The following ARHGAP26 variants were observed in gnomAD, a reference collection of about 807,000 sequenced individuals.
The protein encoded by ARHGAP26 is Rho GTPase activating protein 26.
A neutral mutation model predicts 104.8 loss-of-function variants in ARHGAP26; 38 were observed. The ratio of observed to expected loss-of-function variants is 0.36; its 90% CI spans 0.28 to 0.48. The LOEUF is 0.48. ARHGAP26 is among the 20% of genes least tolerant of loss of function. The probability of loss-of-function intolerance (pLI) is 0.99; values close to 1 mark genes in which losing one functional copy is unlikely to be tolerated. For missense variants in ARHGAP26, 704 were observed against 947.9 expected, an observed-to-expected ratio of 0.74 and a Z score of 3.38; for synonymous variants, 341 against 340.0, an observed-to-expected ratio of 1.00 and a Z score of -0.03.
At chr5:142,998,631 A>G (rs1248498324) in intron 11 of ARHGAP26, among the ~76,000 whole-genome samples, 1 of 152,152 alleles carries the variant, frequency 6.6e-6, no homozygotes. Context: ...CATCCAGGTC[A>G]ACTTTAAACC....
intron 17 of ARHGAP26, among the ~76,000 whole-genome samples, chr5:143,060,191 A>C (rs906287232): frequency 6.6e-6 from 1 of 152,152 alleles, no homozygotes; most frequent in East Asian, 1.9e-4. Context: ...TGGGCTACTT[A>C]CTTAATGGTC....
intron 17 of ARHGAP26, among the ~76,000 whole-genome samples, chr5:143,096,569 A>G (rs1792343023): frequency 6.6e-6 from 1 of 152,248 alleles, no homozygotes; most frequent in Admixed American, 6.5e-5. Flanking sequence ...CAACTTCAGT[A>G]TGCAGCAGAG....
chr5:143,014,382 T>C, intron 12 of ARHGAP26: 1 of 531,744 alleles, frequency 1.9e-6, no homozygotes. Context: ...CTCGTGTACA[T>C]TATCTCCTTT....
chr5:142,899,736 G>A (rs1760023958), intron 6 of ARHGAP26, among the ~76,000 whole-genome samples: 1 of 152,120 alleles, frequency 6.6e-6, no homozygotes, highest in Non-Finnish European at 1.5e-5. Flanking sequence ...GAGAAAAGGT[G>A]CTGGGAGGAG....
intron 11 of ARHGAP26, among the ~76,000 whole-genome samples, chr5:142,963,187 T>TATATGTATATATATATACATAC (rs1562164618): frequency 2.1e-5 from 2 of 96,202 alleles, no homozygotes; most frequent in African/African-American, 1.1e-4. Context: ...TATATATATA[T>TATATGTATATATATATACATAC]ATATATATAT....
At chr5:143,080,717 T>G (rs1280541431) in intron 17 of ARHGAP26, among the ~76,000 whole-genome samples, 1 of 152,058 alleles carries the variant, frequency 6.6e-6, no homozygotes, top group Non-Finnish European at 1.5e-5. Context: ...CAGGAAGAAG[T>G]TTGAATTCTG....
chr5:143,092,324 T>C (rs1034443821), intron 17 of ARHGAP26, among the ~76,000 whole-genome samples: 2 of 152,068 alleles, frequency 1.3e-5, no homozygotes, highest in Non-Finnish European at 2.9e-5. Context: ...CTACCATGCC[T>C]GGCTAATTTT....
chr5:142,832,300 A>G (rs868865036), intron 1 of ARHGAP26, among the ~76,000 whole-genome samples: 1 of 152,230 alleles, frequency 6.6e-6, no homozygotes, highest in Non-Finnish European at 1.5e-5. Flanking sequence ...AATTAAGTAC[A>G]GTTAAATGGG....
intron 17 of ARHGAP26, among the ~76,000 whole-genome samples, chr5:143,062,355 C>A (rs1786837792): frequency 6.6e-6 from 1 of 152,034 alleles, no homozygotes; most frequent in Admixed American, 6.6e-5. Flanking sequence ...TTATTTTGAT[C>A]ATCTGTTATA....
chr5:143,189,082 C>T (rs918269027), intron 20 of ARHGAP26, among the ~76,000 whole-genome samples: 9 of 152,196 alleles, frequency 5.9e-5, no homozygotes, highest in African/African-American at 2.2e-4. Context: ...CAATTTCTTG[C>T]AGGAAAAGTA....
At chr5:143,022,285 C>T (rs887678098) in intron 12 of ARHGAP26, among the ~76,000 whole-genome samples, 1 of 152,216 alleles carries the variant, frequency 6.6e-6, no homozygotes, top group African/African-American at 2.4e-5. Flanking sequence ...GTTGGCCAGG[C>T]TGGTCTCGGA....
At chr5:142,922,459 AT>A (rs1294624011) in intron 10 of ARHGAP26, among the ~76,000 whole-genome samples, 1 of 152,100 alleles carries the variant, frequency 6.6e-6, no homozygotes, top group Non-Finnish European at 1.5e-5. Flanking sequence ...GTAGAAAAAA[AT>A]AATCATGAGA....
In ARHGAP26 at chr5:142,949,125, A is replaced by T. The variant is rs544116531; in HGVS notation, c.1107+17000A>T. ...GTCTCAAAAAAAAAAAATTGAAGAAAGCACAGAAATGTCCTGCTGAAGTTT... is the reference window on the plus strand; with the variant it reads ...GTCTCAAAAAAAAAAAATTGAAGAATGCACAGAAATGTCCTGCTGAAGTTT... On this transcript the variant is annotated intron_variant, in intron 11 of 22. Transcript: ENST00000645722. Among the ~76,000 whole-genome samples the T allele has an allele frequency of 4.6e-4, 68 of 146,300 alleles. 3 individuals carry two copies. Among genetic ancestry groups the T allele is most frequent in the African/African-American group, 1.7e-3 (68 of 40,084 alleles).
chr5:142,841,644 T>C (rs972406910), intron 1 of ARHGAP26, among the ~76,000 whole-genome samples: 2 of 152,196 alleles, frequency 1.3e-5, no homozygotes, highest in Non-Finnish European at 1.5e-5. Flanking sequence ...GCTTGTCCCA[T>C]GAGTGCAAGG....
chr5:142,868,337 G>C (rs1172559462), intron 1 of ARHGAP26, among the ~76,000 whole-genome samples: 1 of 151,946 alleles, frequency 6.6e-6, no homozygotes, highest in African/African-American at 2.4e-5. Flanking sequence ...AGACCCTGCA[G>C]GGCCTCTCAG....
chr5:142,824,246 G>C (rs962832127), intron 1 of ARHGAP26, among the ~76,000 whole-genome samples: 1 of 152,148 alleles, frequency 6.6e-6, no homozygotes, highest in Non-Finnish European at 1.5e-5. Context: ...ATGTGTTGTT[G>C]CTTGCTGAGT....
intron 9 of ARHGAP26, among the ~76,000 whole-genome samples, chr5:142,908,440 C>T (rs1267184064): frequency 2.0e-5 from 3 of 152,236 alleles, no homozygotes; most frequent in Non-Finnish European, 4.4e-5. Context: ...TCCCTTTTCC[C>T]TCTTTCTCTG....
At chr5:143,145,334 A>G (rs1345328505) in intron 19 of ARHGAP26, among the ~76,000 whole-genome samples, 1 of 152,228 alleles carries the variant, frequency 6.6e-6, no homozygotes, top group African/African-American at 2.4e-5. Flanking sequence ...CTCAAACTAA[A>G]GTTAATACAA....
chr5:142,969,856 G>T (rs1771974666), intron 11 of ARHGAP26, among the ~76,000 whole-genome samples: 1 of 152,128 alleles, frequency 6.6e-6, no homozygotes, highest in Non-Finnish European at 1.5e-5. Context: ...TTCCTGCATA[G>T]TCTCTTTGCT....
Sources: allele counts gnomAD v4.1 joint callset (sites outside exome capture counted in the v4.1 genomes callset), GRCh38; gene constraint gnomAD v4.1.1; transcripts MANE v1.5; gene names NCBI Gene and HGNC (gene_info 2026-07-23, HGNC 2026-07-21).